Variants in SFMBT2 observed in about 807,000 individuals in gnomAD.
The protein encoded by SFMBT2 is Scm like with four mbt domains 2.
A neutral mutation model predicts 110.1 loss-of-function variants in SFMBT2; 38 were observed. That is an observed-to-expected ratio of 0.35 (90% CI 0.27 to 0.45). The LOEUF is 0.45. Among genes scored for constraint, SFMBT2 ranks in the 20% least tolerant of loss-of-function variants. The pLI is 1.00. For synonymous variants in SFMBT2, 425 were observed against 425.4 expected, an observed-to-expected ratio of 1.00 and a Z score of 0.01; for missense variants, 1,011 against 1,094.9, an observed-to-expected ratio of 0.92 and a Z score of 1.08.
In SFMBT2 at chr10:7,248,610, T is replaced by A. The variant is rs770614042; in HGVS notation, c.910A>T (p.Met304Leu). ...CACATATTCACTGTCTCAAGCTTCA[T>A]CCCAACTGTGAAGAAATGGCTTCGC... ...DLRSHFFTVG[M>L]KLETVNMCEP... Residue 304 changes from methionine (M) to leucine (L), a missense_variant, in exon 8 of 21, where the codon ATG becomes TTG. By Grantham distance (15) the Met-to-Leu change is conservative (BLOSUM62 2). Around this residue, in one of 2 missense-constraint regions of SFMBT2, gnomAD observed 979 missense variants for 1,016.1 expected, o/e 0.96. Transcript: ENST00000397167. 2 of 1,614,052 alleles carry A rather than the reference T, an allele frequency of 1.2e-6. No individual in the cohort carries two copies. Among genetic ancestry groups the A allele is most frequent in the East Asian group, 4.5e-5 (2 of 44,892 alleles).
intron 11 of SFMBT2, among the ~76,000 whole-genome samples, chr10:7,213,918 G>A (rs1839443237): frequency 6.6e-6 from 1 of 152,210 alleles, no homozygotes; most frequent in Non-Finnish European, 1.5e-5. Flanking sequence ...CTGAAGAGCA[G>A]GACTGGGGGA....
intron 7 of SFMBT2, among the ~76,000 whole-genome samples, chr10:7,251,011 G>C (rs946896166): frequency 6.6e-6 from 1 of 152,060 alleles, no homozygotes; most frequent in African/African-American, 2.4e-5. Flanking sequence ...AAGATTCAAA[G>C]TTAATTTGAA....
At chr10:7,265,607 G>A (rs902041476) in intron 7 of SFMBT2, among the ~76,000 whole-genome samples, 16 of 152,172 alleles carry the variant, frequency 1.1e-4, no homozygotes, top group African/African-American at 3.9e-4. Context: ...GAACTGAGCT[G>A]GGGTATTTTT....
At chr10:7,304,854 C>T (rs1030146651) in intron 4 of SFMBT2, among the ~76,000 whole-genome samples, 21 of 152,144 alleles carry the variant, frequency 1.4e-4, no homozygotes, top group African/African-American at 4.3e-4. Flanking sequence ...CCACCCTGTG[C>T]CTAAAGGAGA....
At chr10:7,283,761 C>T in intron 6 of SFMBT2, 143 bp downstream of exon 6, 2 of 695,308 alleles carry the variant, frequency 2.9e-6, no homozygotes, top group Non-Finnish European at 4.9e-6. Flanking sequence ...CTATGGAAAG[C>T]ATTGTGAAGT....
At chr10:7,220,668 T>C in intron 10 of SFMBT2, 131 bp from the exon 11 acceptor site, 1 of 907,310 alleles carries the variant, frequency 1.1e-6, no homozygotes, top group South Asian at 1.6e-5. Flanking sequence ...TATGTGTTTG[T>C]CCTTCCCACT....
In SFMBT2 at chr10:7,315,030, GAA is replaced by G. The variant is rs1469965459; in HGVS notation, c.437-29078_437-29077del. The stretch of plus-strand genomic sequence containing the variant: ...AAGAAAGAAAGAAAAGAGAGAGAAA[GAA>G]AGAAAGAGAAAGAAAGAAAGAAAGA... On this transcript the variant is annotated intron_variant, in intron 4 of 20. Coordinates refer to ENST00000397167, the MANE Select transcript of SFMBT2 (RefSeq NM_001387889.1). Among the ~76,000 whole-genome samples the G allele has an allele frequency of 2.3e-3, 301 of 130,136 alleles. 3 individuals carry two copies. The highest frequency in any genetic ancestry group is 8.0e-3 in the African/African-American group (269 of 33,664). The allele number at this position is 130,136 out of a possible 152,430, so 85.4% of individuals were successfully genotyped here. A position where few individuals can be genotyped will look rare whatever the true frequency, so the allele number is the denominator to read the frequency against.
rs779516999 is a variant in SFMBT2, at chr10:7,367,757, C to T, written c.328G>A (p.Gly110Ser). 3 of 1,614,142 alleles carry T rather than the reference C, an allele frequency of 1.9e-6. No individual in the cohort carries two copies. The highest frequency in any genetic ancestry group is 2.5e-6 in the Non-Finnish European group (3 of 1,180,032). ...TCGGCCCTGCGGTCCTCCCCGTAACCGCAGTAGCGCAGAAGCAGCAGCTGC... is the reference window on the plus strand; with the variant it reads ...TCGGCCCTGCGGTCCTCCCCGTAACTGCAGTAGCGCAGAAGCAGCAGCTGC... Reference protein sequence around the residue: ...CGQLLLLRYCGYGEDRRADFW... With the variant: ...CGQLLLLRYCSYGEDRRADFW... The change falls in exon 4 of 21, where the codon GGT (glycine) becomes AGT (serine). Residue 110 changes from glycine (G) to serine (S), a missense_variant. Transcript: ENST00000397167. The surrounding 1 kb of genome is among the most constrained non-coding windows in gnomAD (Gnocchi z 6.2).
intron 1 of SFMBT2, among the ~76,000 whole-genome samples, chr10:7,397,020 G>A (rs945305854): frequency 2.0e-5 from 3 of 151,968 alleles, no homozygotes; most frequent in Non-Finnish European, 2.9e-5. Context: ...AAACCTGCAC[G>A]TTGTGCACAT....
At chr10:7,285,732 G>C in intron 5 of SFMBT2, 134 bp downstream of exon 5, 1 of 670,718 alleles carries the variant, frequency 1.5e-6, no homozygotes, top group Non-Finnish European at 2.8e-6. Flanking sequence ...AAAGAGGAAG[G>C]GAGGCTATTT....
At chr10:7,207,371 A>C (rs1182576622) in intron 11 of SFMBT2, among the ~76,000 whole-genome samples, 1 of 150,730 alleles carries the variant, frequency 6.6e-6, no homozygotes. Flanking sequence ...AAAGGAAGAA[A>C]GGAAGGAAGG....
At chr10:7,382,226 A>T (rs1319852422) in intron 1 of SFMBT2, among the ~76,000 whole-genome samples, 1 of 152,112 alleles carries the variant, frequency 6.6e-6, no homozygotes, top group Non-Finnish European at 1.5e-5. Context: ...CCTAGCCAAC[A>T]TGGTGAAACC....
chr10:7,315,062 A>AAGAAAGAAAGAAAGAG (rs1842963371), intron 4 of SFMBT2, among the ~76,000 whole-genome samples: 5 of 139,984 alleles, frequency 3.6e-5, no homozygotes, highest in Middle Eastern at 3.5e-3. Flanking sequence ...GAAAGAAAGA[A>AAGAAAGAAAGAAAGAG]AGAAAGAAAG....
Position 7,170,533 on chromosome 10 carries a change from G to A in SFMBT2, c.2544+395C>T, listed in dbSNP as rs565652682. Among the ~76,000 whole-genome samples the A allele has an allele frequency of 6.6e-6, 1 of 152,282 alleles. No homozygotes were observed. The highest frequency in any genetic ancestry group is 1.9e-4 in the East Asian group (1 of 5,168). ...CTGGCATCTGAAAGGGCCAGCCAGG[G>A]AACTGGGACTCTCACCCCTGCCTGG... On this transcript the variant is annotated intron_variant, in intron 20 of 20. Coordinates refer to ENST00000397167, the MANE Select transcript of SFMBT2 (RefSeq NM_001387889.1). The surrounding 1 kb of genome is among the most constrained non-coding windows in gnomAD (Gnocchi z 4.6).
At chr10:7,266,335 C>A (rs1391799648) in intron 7 of SFMBT2, among the ~76,000 whole-genome samples, 1 of 152,144 alleles carries the variant, frequency 6.6e-6, no homozygotes, top group African/African-American at 2.4e-5. Context: ...GGTGATCCAC[C>A]CACCTCGGCC....
At chr10:7,395,799 T>C (rs752147396) in intron 1 of SFMBT2, among the ~76,000 whole-genome samples, 1 of 152,248 alleles carries the variant, frequency 6.6e-6, no homozygotes, top group Non-Finnish European at 1.5e-5. Context: ...CCTAAGGCTA[T>C]GAATGTTTTT....
chr10:7,369,703 CCTA>C (rs1164757058), intron 3 of SFMBT2, among the ~76,000 whole-genome samples: 2 of 152,134 alleles, frequency 1.3e-5, no homozygotes, highest in African/African-American at 4.8e-5. Flanking sequence ...AGCCATTACA[CCTA>C]CTAAGAATAC....
chr10:7,186,268 A>C (rs1170425655), intron 16 of SFMBT2, among the ~76,000 whole-genome samples: 2 of 152,018 alleles, frequency 1.3e-5, no homozygotes, highest in Non-Finnish European at 2.9e-5. Context: ...AAATGAGAGC[A>C]ATCACACTGC....
intron 1 of SFMBT2, among the ~76,000 whole-genome samples, chr10:7,405,391 G>A (rs1341193766): frequency 1.3e-5 from 2 of 152,222 alleles, no homozygotes; most frequent in African/African-American, 4.8e-5. Flanking sequence ...ATGGGGTTAT[G>A]TGGGAAGGCC....
Sources: gnomAD v4.1 joint callset for allele counts (sites outside exome capture counted in the v4.1 genomes callset) on GRCh38, gnomAD v4.1.1 for gene constraint, gnomAD v4.1.1 regional missense constraint, Gnocchi (gnomAD v3.1) non-coding constraint, MANE v1.5 for transcripts, NCBI Gene and HGNC (gene_info 2026-07-23, HGNC 2026-07-21) for gene names.